SIM1: variants seen among roughly 807,000 people sequenced by gnomAD.
SIM1 encodes the protein single-minded homolog 1.
Under a neutral mutation model 78.2 loss-of-function variants are expected in SIM1, and 18 were observed. The ratio of observed to expected loss-of-function variants is 0.23; its 90% confidence interval spans 0.16 to 0.34. SIM1 has a LOEUF of 0.34. SIM1 is among the 10% of genes least tolerant of loss of function. The pLI is 1.00. For synonymous variants in SIM1, 417 were observed against 385.2 expected (o/e 1.08, Z -0.97); for missense variants, 939 against 975.1 (o/e 0.96, Z 0.49).
intron 10 of SIM1, among the ~76,000 whole-genome samples, chr6:100,408,274 C>G (rs1048284896): frequency 6.6e-6 from 1 of 151,950 alleles, no homozygotes; most frequent in Non-Finnish European, 1.5e-5. Flanking sequence ...GGGTTTATTT[C>G]TGGGGTCTCT....
chr6:100,393,547 C>A lies in SIM1; in HGVS notation c.1510G>T (p.Glu504Ter). The A allele has an allele frequency of 6.2e-7, 1 of 1,602,554 alleles. No individual in the cohort carries two copies. The change falls in exon 11 of 12, where the codon GAA becomes TAA. Residue 504 changes from glutamate (E) to a stop codon, truncating the protein, a stop_gained. Coordinates refer to ENST00000369208, the MANE Select transcript of SIM1 (RefSeq NM_005068.3). LOFTEE classifies it high-confidence loss of function. ...AALPLTKASP[E>*]SREAYENSMP... The stretch of plus-strand genomic sequence containing the variant: ...CTGTTTTCATAGGCTTCTCTGCTTT[C>A]TGGGGAGGCCTTTGTCAGGGGCAAG...
Position 100,389,427 on chromosome 6 carries a change from C to CT in SIM1, c.*933dup, listed in dbSNP as rs1770580632. 4 of 393,366 alleles carry CT rather than the reference C, an allele frequency of 1.0e-5. No individual in the cohort carries two copies. The highest frequency in any genetic ancestry group is 1.8e-5 in the Non-Finnish European group (4 of 223,072). The allele number at this position is 393,366 out of a possible 1,614,324, so 24.4% of individuals were successfully genotyped here. ...TCCTTTTATTTTTGCACCTATTGGTCTTTTTTCTGGGTGAATTGGTTTGAA... is the reference window on the plus strand; with the variant it reads ...TCCTTTTATTTTTGCACCTATTGGTCTTTTTTTCTGGGTGAATTGGTTTGAA... On this transcript the variant is annotated 3_prime_UTR_variant, in exon 12 of 12. Coordinates refer to ENST00000369208, the MANE Select transcript of SIM1 (RefSeq NM_005068.3).
At chr6:100,427,885 A>T (rs576704034) in intron 9 of SIM1, among the ~76,000 whole-genome samples, 1 of 152,300 alleles carries the variant, frequency 6.6e-6, no homozygotes, top group Admixed American at 6.5e-5. Context: ...TTCTCTTATA[A>T]CAGCCTTTAT....
At chr6:100,425,865 A>G (rs1475175538) in intron 9 of SIM1, among the ~76,000 whole-genome samples, 1 of 152,234 alleles carries the variant, frequency 6.6e-6, no homozygotes, top group Non-Finnish European at 1.5e-5. Flanking sequence ...TAAAATACTC[A>G]GCTGCACAGA....
At chr6:100,401,991 C>T (rs1770926447) in intron 10 of SIM1, among the ~76,000 whole-genome samples, 1 of 152,166 alleles carries the variant, frequency 6.6e-6, no homozygotes, top group Non-Finnish European at 1.5e-5. Flanking sequence ...TTTCATATGA[C>T]TTGTGCAAAG....
intron 3 of SIM1, 128 bp downstream of exon 3, chr6:100,453,634 C>A: frequency 2.8e-6 from 2 of 721,616 alleles, no homozygotes; most frequent in Non-Finnish European, 4.5e-6. Flanking sequence ...AGTCCGGATC[C>A]CTGTTTTTGT....
chr6:100,430,866 C>T (rs1440958242), intron 9 of SIM1, among the ~76,000 whole-genome samples: 6 of 152,008 alleles, frequency 3.9e-5, no homozygotes, highest in African/African-American at 1.5e-4. Flanking sequence ...GGGAGCATAC[C>T]TCCTGTTTTC....
At chr6:100,463,067 G>A in intron 2 of SIM1, 1 of 461,866 alleles carries the variant, frequency 2.2e-6, no homozygotes, top group Non-Finnish European at 3.9e-6. Context: ...AAACATATCT[G>A]ATGGACTGAA....
At position 100,453,806 on chromosome 6, in the gene SIM1, G is replaced by A. The variant is rs138378556; in HGVS notation, c.214C>T (p.Pro72Ser). The change falls in exon 3 of 12, where the codon CCC (proline) becomes TCC (serine). Residue 72 changes from proline (P) to serine (S), a missense_variant. Around this residue, in one of 5 missense-constraint regions of SIM1, gnomAD observed 121 missense variants for 124.6 expected, o/e 0.97. Coordinates refer to ENST00000369208, the MANE Select transcript of SIM1 (RefSeq NM_005068.3). ...EAWGHSSRTS[P>S]LDNVGRELGS... is the part of the protein sequence containing the mutation. ...AGTTCTCGGCCAACGTTGTCCAGGGGGCTGGTCCGACTTGAGTGGCCCCAC... is the reference window on the plus strand; with the variant it reads ...AGTTCTCGGCCAACGTTGTCCAGGGAGCTGGTCCGACTTGAGTGGCCCCAC... 3.7e-5 allele frequency: 59 copies of A among 1,612,316 alleles called. No individual in the cohort carries two copies. The highest frequency in any genetic ancestry group is 1.6e-4 in the African/African-American group (12 of 74,866).
chr6:100,428,086 T>C (rs1468746343), intron 9 of SIM1, among the ~76,000 whole-genome samples: 1 of 152,232 alleles, frequency 6.6e-6, no homozygotes, highest in Admixed American at 6.5e-5. Flanking sequence ...GATTCTTAAA[T>C]TCTCAGATTA....
chr6:100,463,426 T>C lies in SIM1; in HGVS notation c.43A>G (p.Lys15Glu). ...AGTTCATAAAATTCACTGTTTTCCT[T>C]CTCCCTCCTAGTCCGCGCAGCATTT... ...SKNAARTRRE[K>E]ENSEFYELAK... The change falls in exon 2 of 12, where the codon AAG becomes GAG. Residue 15 changes from lysine (K) to glutamate (E), a missense_variant. Lys to Glu is a moderately conservative substitution (Grantham distance 56). Around this residue, in one of 5 missense-constraint regions of SIM1, gnomAD observed 121 missense variants for 124.6 expected, o/e 0.97. Transcript: ENST00000369208. 6.2e-7 allele frequency: 1 copy of C among 1,613,948 alleles called. No individual in the cohort carries two copies. The highest frequency in any genetic ancestry group is 1.1e-5 in the South Asian group (1 of 91,070).
chr6:100,455,828 C>A (rs1215691718), intron 2 of SIM1, among the ~76,000 whole-genome samples: 2 of 152,208 alleles, frequency 1.3e-5, no homozygotes, highest in Non-Finnish European at 2.9e-5. Context: ...CTGGAAGACA[C>A]CCCGAAGCGG....
rs146105342 is a variant in SIM1, at chr6:100,425,404, T to C, written c.999-4446A>G. 8.0e-3 allele frequency among the ~76,000 whole-genome samples: 1,226 copies of C among 152,312 alleles called. 17 individuals carry two copies. The highest frequency in any genetic ancestry group is 0.028 in the African/African-American group (1,170 of 41,562). On this transcript the variant is annotated intron_variant, in intron 9 of 11. Coordinates refer to ENST00000369208, the MANE Select transcript of SIM1 (RefSeq NM_005068.3). ...AATACTTTTTAAGGTAAATTCTTTA[T>C]TGCTAAGTTAGCAAATGGGGACCTT...
Position 100,448,237 on chromosome 6 carries a change from C to G in SIM1, c.759G>C (p.Thr253=). The change falls in exon 8 of 12, where the codon ACG becomes ACC. Residue 253 remains threonine, a synonymous_variant. Transcript: ENST00000369208. ...CAATCAGGTCCTGAGGTTCGTACCC[C>G]GTCAGCTCCGCCACCCTGAGGAGAG... ...IFLDSRVAEL[T]GYEPQDLIEK... 3.7e-6 allele frequency: 6 copies of G among 1,613,010 alleles called. No individual in the cohort carries two copies. The South Asian group carries it at 4.4e-5, about 12-fold the overall frequency.
intron 10 of SIM1, among the ~76,000 whole-genome samples, chr6:100,419,175 GA>G (rs1771496429): frequency 6.6e-6 from 1 of 151,922 alleles, no homozygotes; most frequent in African/African-American, 2.4e-5. Flanking sequence ...CAAAAAAGAA[GA>G]AGAAGAAGCA....
chr6:100,421,909 C>T (rs1226507652), intron 9 of SIM1, among the ~76,000 whole-genome samples: 1 of 152,144 alleles, frequency 6.6e-6, no homozygotes, highest in East Asian at 1.9e-4. Flanking sequence ...TACCAGAACT[C>T]GCTGGGCTGC....
intron 9 of SIM1, among the ~76,000 whole-genome samples, chr6:100,443,309 T>C (rs12663321): frequency 0.014 from 2,077 of 152,230 alleles, 69 homozygotes; most frequent in East Asian, 0.13. Flanking sequence ...AGGAAAGCAA[T>C]GTTCCATCCT....
chr6:100,392,789 C>T (rs1435339953), intron 11 of SIM1, among the ~76,000 whole-genome samples: 6 of 152,148 alleles, frequency 3.9e-5, no homozygotes, highest in Non-Finnish European at 7.3e-5. Context: ...TTGGGATGGA[C>T]GGAATGAGCT....
At chr6:100,459,214 T>G (rs989563861) in intron 2 of SIM1, among the ~76,000 whole-genome samples, 1 of 152,250 alleles carries the variant, frequency 6.6e-6, no homozygotes, top group African/African-American at 2.4e-5. Flanking sequence ...ATAATACCTG[T>G]TTTTGTTGTT....
Sources: allele counts gnomAD v4.1 joint callset (sites outside exome capture counted in the v4.1 genomes callset), GRCh38; gene constraint gnomAD v4.1.1; regional missense constraint gnomAD v4.1.1; transcripts MANE v1.5; gene names NCBI Gene and HGNC (gene_info 2026-07-23, HGNC 2026-07-21).